Variants in PLAAT1 observed in about 807,000 individuals in gnomAD.
PLAAT1 encodes phospholipase A and acyltransferase 1, also known as H-REV107 protein-related protein.
PLAAT1 carries 13 observed loss-of-function variants against 16.4 expected under a neutral mutation model. The ratio of observed to expected loss-of-function variants is 0.79; its 90% CI spans 0.52 to 1.26. The LOEUF (loss-of-function observed/expected upper bound fraction) is 1.26, where lower values mean the gene tolerates loss of function less well. PLAAT1 is among the 50% of genes most tolerant of loss of function. The pLI is 0.00. For synonymous variants in PLAAT1, 73 were observed against 78.4 expected, an observed-to-expected ratio of 0.93 and a Z score of 0.36; for missense variants, 218 against 207.8, an observed-to-expected ratio of 1.05 and a Z score of -0.30.
At chr3:193,273,033 A>T (rs1456956583), downstream of PLAAT1, among the ~76,000 whole-genome samples, 1 of 152,248 alleles carries the variant, frequency 6.6e-6, no homozygotes, top group Non-Finnish European at 1.5e-5. Flanking sequence ...AATAAAAATT[A>T]TGAAATAAAG....
At chr3:193,274,829 C>A, downstream of PLAAT1, 1 of 627,718 alleles carries the variant, frequency 1.6e-6, no homozygotes, top group Non-Finnish European at 2.7e-6. Flanking sequence ...AAGGATGATA[C>A]AGGAAATGCA....
At chr3:193,242,935 T>G (rs1715830383) in intron 1 of PLAAT1, among the ~76,000 whole-genome samples, 1 of 152,180 alleles carries the variant, frequency 6.6e-6, no homozygotes, top group Non-Finnish European at 1.5e-5. Context: ...GAGTAGTTGT[T>G]AAAAAAGTGC....
rs190930733 is a variant in PLAAT1, at chr3:193,244,490, A to G, written c.-1+2957A>G. On this transcript the variant is annotated intron_variant, in intron 1 of 3. Transcript: ENST00000264735. ...TTTGTTTTTTTTTTTTAAATTGACAATGATTTATATTTATGGGGTACAACG... is the reference window on the plus strand; with the variant it reads ...TTTGTTTTTTTTTTTTAAATTGACAGTGATTTATATTTATGGGGTACAACG... Among the ~76,000 whole-genome samples the G allele has an allele frequency of 5.6e-4, 85 of 151,872 alleles. 2 individuals are homozygous for G. In the East Asian group the frequency reaches 0.014, roughly 25 times the overall value.
chr3:193,244,535 T>C (rs1337024994), intron 1 of PLAAT1, among the ~76,000 whole-genome samples: 1 of 151,954 alleles, frequency 6.6e-6, no homozygotes, highest in Non-Finnish European at 1.5e-5. Context: ...AATCTATCCA[T>C]ACATTATAGA....
intron 2 of PLAAT1, chr3:193,276,666 G>T (rs1717222855): frequency 5.4e-6 from 5 of 934,058 alleles, no homozygotes; most frequent in East Asian, 2.5e-5. Context: ...GGATCAAAGT[G>T]GTTGCTCTAG....
chr3:193,266,839 A>C, intron 3 of PLAAT1, among the ~76,000 whole-genome samples: 1 of 150,414 alleles, frequency 6.6e-6, no homozygotes, highest in South Asian at 2.1e-4. Context: ...ATCAATAACT[A>C]ATAGTATTAC....
intron 2 of PLAAT1, among the ~76,000 whole-genome samples, chr3:193,256,350 TG>T (rs915354893): frequency 1.1e-4 from 17 of 152,066 alleles, no homozygotes; most frequent in African/African-American, 3.1e-4. Flanking sequence ...TTAAATGAAG[TG>T]GTCAGGAAAA....
At chr3:193,273,797 C>T (rs1717065113), downstream of PLAAT1, among the ~76,000 whole-genome samples, 1 of 152,066 alleles carries the variant, frequency 6.6e-6, no homozygotes, top group African/African-American at 2.4e-5. Flanking sequence ...ATTTAATATG[C>T]ATCTAGTAAG....
chr3:193,265,626 G>A (rs1401878729), intron 3 of PLAAT1, among the ~76,000 whole-genome samples: 1 of 151,298 alleles, frequency 6.6e-6, no homozygotes, highest in Non-Finnish European at 1.5e-5. Context: ...TAAATATATG[G>A]TGTGCTAATT....
chr3:193,260,006 A>G (rs1289542982), intron 2 of PLAAT1, among the ~76,000 whole-genome samples: 1 of 152,186 alleles, frequency 6.6e-6, no homozygotes, highest in Non-Finnish European at 1.5e-5. Flanking sequence ...ACAAAAACAG[A>G]CACACAGACC....
At position 193,255,587 on chromosome 3, in the gene PLAAT1, TC is replaced by T. The variant is rs1165288486; in HGVS notation, c.1-63del. 22 of 1,506,584 alleles carry T rather than the reference TC, an allele frequency of 1.5e-5. No individual in the cohort carries two copies. The East Asian group carries it at 4.8e-4, about 33-fold the overall frequency. The allele number at this position is 1,506,584 out of a possible 1,614,324, so 93.3% of individuals were successfully genotyped here. On this transcript the variant is annotated intron_variant, in intron 1 of 3. Transcript: ENST00000264735. ...CTGTATCATTCTGCTTTTATGGATGTCTTAAACTGATTTTCTTTTGGCAAGT... is the reference window on the plus strand; with the variant it reads ...CTGTATCATTCTGCTTTTATGGATGTTTAAACTGATTTTCTTTTGGCAAGT...
In PLAAT1 at chr3:193,263,067, A is replaced by C. The variant is rs1004672513; in HGVS notation, c.237A>C (p.Thr79=). ...TGAAGGATGTTGTGGGAAATGACACATACAGAATAAACAATAAATACGATG... is the reference window on the plus strand; with the variant it reads ...TGAAGGATGTTGTGGGAAATGACACCTACAGAATAAACAATAAATACGATG... ...QLLKDVVGND[T]YRINNKYDET... The change falls in exon 3 of 4, where the codon ACA becomes ACC. Residue 79 remains threonine, a synonymous_variant. Coordinates refer to ENST00000264735, the MANE Select transcript of PLAAT1 (RefSeq NM_020386.5). 38 of 1,614,060 alleles carry C rather than the reference A, an allele frequency of 2.4e-5. No individual in the cohort carries two copies. Among genetic ancestry groups the C allele is most frequent in the Non-Finnish European group, 3.1e-5 (36 of 1,180,036 alleles).
At chr3:193,250,914 G>A (rs76521163) in intron 1 of PLAAT1, among the ~76,000 whole-genome samples, 1,592 of 151,664 alleles carry the variant, frequency 0.01, 54 homozygotes, top group East Asian at 0.072. Context: ...AAAGGTTTGG[G>A]AGTGCCATCC....
At chr3:193,258,915 A>G (rs1191284473) in intron 2 of PLAAT1, among the ~76,000 whole-genome samples, 2 of 152,162 alleles carry the variant, frequency 1.3e-5, no homozygotes, top group Non-Finnish European at 2.9e-5. Context: ...TGAAACTAGC[A>G]TCATCCTGAT....
downstream of PLAAT1, chr3:193,279,511 G>A (rs1009380669): frequency 4.7e-5 from 66 of 1,405,120 alleles, no homozygotes; most frequent in Middle Eastern, 3.7e-4. Flanking sequence ...ATATAATTTG[G>A]CACACATTGC....
At chr3:193,247,634 C>T (rs1716029467) in intron 1 of PLAAT1, among the ~76,000 whole-genome samples, 1 of 151,890 alleles carries the variant, frequency 6.6e-6, no homozygotes, top group South Asian at 2.1e-4. Context: ...ATATCAGTTT[C>T]CTCTTTTTTT....
intron 1 of PLAAT1, among the ~76,000 whole-genome samples, chr3:193,253,899 A>G (rs1716284087): frequency 6.6e-6 from 1 of 152,144 alleles, no homozygotes; most frequent in African/African-American, 2.4e-5. Flanking sequence ...CATTTGAAAA[A>G]AAATTGCACT....
downstream of PLAAT1, chr3:193,270,893 A>G (rs1403551825): frequency 2.4e-6 from 3 of 1,251,330 alleles, no homozygotes; most frequent in Non-Finnish European, 3.0e-6. Context: ...CTGCTAGCAT[A>G]GATGTACTGT....
downstream of PLAAT1, among the ~76,000 whole-genome samples, chr3:193,280,413 A>G (rs2108816155): frequency 6.6e-6 from 1 of 152,266 alleles, no homozygotes; most frequent in African/African-American, 2.4e-5. Context: ...CTCCCTTACA[A>G]AAGCTTATTT....
Sources: allele counts gnomAD v4.1 joint callset (sites outside exome capture counted in the v4.1 genomes callset), GRCh38; gene constraint gnomAD v4.1.1; transcripts MANE v1.5; gene names NCBI Gene and HGNC (gene_info 2026-07-23, HGNC 2026-07-21).